The following MGRN1 variants were observed in gnomAD, a reference collection of about 807,000 sequenced individuals.
The protein encoded by MGRN1 is mahogunin ring finger 1.
In MGRN1, 29 loss-of-function variants were observed where a neutral mutation model predicts 69.2. The ratio of observed to expected loss-of-function variants is 0.42; its 90% confidence interval spans 0.31 to 0.57. MGRN1 has a LOEUF of 0.57. MGRN1 is among the 20% of genes least tolerant of loss of function. The pLI is 0.15. For missense variants in MGRN1, 998 were observed against 796.2 expected (o/e 1.25, Z -3.05); for synonymous variants, 470 against 344.2 (o/e 1.37, Z -4.04).
intron 5 of MGRN1, chr16:4,658,914 C>T (rs757281889): frequency 2.0e-5 from 3 of 151,968 alleles, no homozygotes; most frequent in African/African-American, 7.3e-5. Flanking sequence ...GGAAGATCGC[C>T]TGAGCCTGGG....
intron 16 of MGRN1, chr16:4,686,931 G>T (rs541281751): frequency 1.0e-6 from 1 of 985,324 alleles, no homozygotes; most frequent in Admixed American, 6.1e-5. Flanking sequence ...GAGGGAGTCC[G>T]TCCTCGAGGG....
intron 16 of MGRN1, chr16:4,686,540 C>T (rs2079323663): frequency 1.5e-6 from 2 of 1,359,846 alleles, no homozygotes; most frequent in Non-Finnish European, 1.9e-6. Context: ...TCCATCTGGA[C>T]TAGGCGGCCG....
intron 1 of MGRN1, chr16:4,640,645 C>G (rs1284483762): frequency 6.6e-6 from 1 of 152,314 alleles, no homozygotes; most frequent in Admixed American, 6.5e-5. Flanking sequence ...ATTTCCAGGA[C>G]AACCTTGGGA....
At chr16:4,674,434 CT>C in intron 10 of MGRN1, among the ~76,000 whole-genome samples, 1 of 150,784 alleles carries the variant, frequency 6.6e-6, no homozygotes, top group Non-Finnish European at 1.5e-5. Flanking sequence ...GATTACAGCC[CT>C]GCACCACCAT....
chr16:4,676,124 C>G (rs1377324053), intron 10 of MGRN1, among the ~76,000 whole-genome samples: 2 of 152,232 alleles, frequency 1.3e-5, no homozygotes, highest in Admixed American at 1.3e-4. Flanking sequence ...GCCATGGGGT[C>G]ACTGGATGTG....
Position 4,687,468 on chromosome 16 carries a change from C to A in MGRN1, c.1619-1328C>A, listed in dbSNP as rs1175143642. 1.0e-5 allele frequency: 10 copies of A among 954,462 alleles called. No individual in the cohort carries two copies. The Admixed American group carries it at 3.1e-4, about 29-fold the overall frequency. The allele number at this position is 954,462 out of a possible 1,614,324, so 59.1% of individuals were successfully genotyped here. A position where few individuals can be genotyped will look rare whatever the true frequency, so the allele number is the denominator to read the frequency against. Reference sequence around the variant, plus strand: ...TGCTGAGGTGGGAGGATTGCCGGAGCTGGGGAGGTCAAGGCCCACTCCAGC... The same window carrying A: ...TGCTGAGGTGGGAGGATTGCCGGAGATGGGGAGGTCAAGGCCCACTCCAGC... On this transcript the variant is annotated intron_variant, in intron 16 of 16. Coordinates refer to ENST00000262370, the MANE Select transcript of MGRN1 (RefSeq NM_015246.4).
chr16:4,663,528 TTC>T (rs1417427542), intron 5 of MGRN1, among the ~76,000 whole-genome samples: 1 of 152,174 alleles, frequency 6.6e-6, no homozygotes, highest in African/African-American at 2.4e-5. Context: ...AAATAAATGA[TTC>T]TTTTTCTTCC....
At chr16:4,630,196 C>A (rs1897926992) in intron 1 of MGRN1, among the ~76,000 whole-genome samples, 1 of 151,018 alleles carries the variant, frequency 6.6e-6, no homozygotes, top group East Asian at 2.0e-4. Flanking sequence ...TCCTAAAATA[C>A]AAAAAATTAG....
At chr16:4,653,417 C>T (rs562446691) in intron 4 of MGRN1, among the ~76,000 whole-genome samples, 2 of 152,320 alleles carry the variant, frequency 1.3e-5, no homozygotes, top group East Asian at 1.9e-4. Flanking sequence ...TGATTAACTC[C>T]ATCTCCAGCC....
At chr16:4,673,294 C>T (rs561878261) in intron 9 of MGRN1, among the ~76,000 whole-genome samples, 1 of 152,266 alleles carries the variant, frequency 6.6e-6, no homozygotes, top group Non-Finnish European at 1.5e-5. Flanking sequence ...CACAGACCCT[C>T]CCCCTCTGCC....
intron 1 of MGRN1, chr16:4,650,058 C>A (rs939646156): frequency 1.8e-5 from 4 of 225,270 alleles, no homozygotes; most frequent in Middle Eastern, 1.7e-3. Flanking sequence ...ATCCCAGAAC[C>A]TTGGGAGGCT....
intron 16 of MGRN1, among the ~76,000 whole-genome samples, chr16:4,686,073 G>T (rs926461886): frequency 2.0e-5 from 3 of 151,810 alleles, no homozygotes; most frequent in Non-Finnish European, 4.4e-5. Flanking sequence ...GCTCCTCCGC[G>T]TTGAATTCTG....
chr16:4,672,541 AG>A (rs1369472045), intron 9 of MGRN1: 1 of 443,136 alleles, frequency 2.3e-6, no homozygotes, highest in Non-Finnish European at 4.6e-6. Flanking sequence ...GTTTCATACC[AG>A]GGGGCGGCCC....
At chr16:4,684,975 G>T (rs1023357023) in intron 16 of MGRN1, among the ~76,000 whole-genome samples, 9 of 152,248 alleles carry the variant, frequency 5.9e-5, no homozygotes, top group Non-Finnish European at 1.2e-4. Flanking sequence ...TTGGAAAGGG[G>T]CTCTTGTGCC....
At chr16:4,646,906 T>C (rs2078286270) in intron 1 of MGRN1, among the ~76,000 whole-genome samples, 1 of 152,056 alleles carries the variant, frequency 6.6e-6, no homozygotes, top group Admixed American at 6.5e-5. Flanking sequence ...GAGTGCCCAG[T>C]GCCTCGGCCT....
At chr16:4,686,993 G>A (rs1046088258) in intron 16 of MGRN1, 9 of 985,406 alleles carry the variant, frequency 9.1e-6, no homozygotes, top group Non-Finnish European at 7.2e-6. Context: ...GAGGGCGTCC[G>A]CTCACACAGC....
rs2079367113 is a variant in MGRN1 at position 4,687,829 on chromosome 16, CTTTT to C, written c.1619-966_1619-963del. On this transcript the variant is annotated intron_variant, in intron 16 of 16. Transcript: ENST00000262370. Reference sequence around the variant, plus strand: ...AGCCGGGTCAGGGAGAACTTCGCTTCTTTTGACTGCGCTCTGCATTCCCATGAAC... The same window carrying C: ...AGCCGGGTCAGGGAGAACTTCGCTTCGACTGCGCTCTGCATTCCCATGAAC... 3.0e-6 allele frequency: 3 copies of C among 985,382 alleles called. No individual in the cohort carries two copies. In the South Asian group the frequency reaches 1.4e-4, roughly 46 times the overall value. The allele number at this position is 985,382 out of a possible 1,614,324, so 61.0% of individuals were successfully genotyped here.
chr16:4,630,252 C>T (rs116830742), intron 1 of MGRN1, among the ~76,000 whole-genome samples: 2,092 of 147,260 alleles, frequency 0.014, 47 homozygotes, highest in African/African-American at 0.048. Context: ...ATTGGGAGGC[C>T]GAGGCAGAAG....
At chr16:4,686,270 G>A (rs750360029) in intron 16 of MGRN1, 79 of 1,544,506 alleles carry the variant, frequency 5.1e-5, no homozygotes, top group South Asian at 4.8e-4. Flanking sequence ...CCTGGGGCCC[G>A]ACTCCTGCTC....
Sources: gnomAD v4.1 joint callset for allele counts (sites outside exome capture counted in the v4.1 genomes callset) on GRCh38, gnomAD v4.1.1 for gene constraint, MANE v1.5 for transcripts, NCBI Gene and HGNC (gene_info 2026-07-23, HGNC 2026-07-21) for gene names.